Variants in KBTBD11 observed in about 807,000 individuals in gnomAD.
KBTBD11 encodes the protein kelch repeat and BTB domain containing 11.
For synonymous variants in KBTBD11, 747 were observed against 499.0 expected (o/e 1.50, Z -6.63); for missense variants, 1,390 against 1,001.8 (o/e 1.39, Z -5.23).
chr8:1,987,301 T>C (rs1816736878), intron 1 of KBTBD11, among the ~76,000 whole-genome samples: 1 of 152,190 alleles, frequency 6.6e-6, no homozygotes, highest in South Asian at 2.1e-4. Context: ...GTTTATGAAA[T>C]TGACTCACGT....
rs1053269664 is a variant in KBTBD11 at position 2,005,580 on chromosome 8, A to G, written c.*2516A>G. Reference sequence around the variant, plus strand: ...CCTGGCAACGGCTGATGCCCCAGGTAGGACCTTTTCCAATTCAAAGTGGTG... The same window carrying G: ...CCTGGCAACGGCTGATGCCCCAGGTGGGACCTTTTCCAATTCAAAGTGGTG... On this transcript the variant is annotated 3_prime_UTR_variant, in exon 2 of 2. Transcript: ENST00000320248. The G allele has an allele frequency of 1.2e-5, 2 of 167,112 alleles. No individual in the cohort carries two copies. Among genetic ancestry groups the G allele is most frequent in the Non-Finnish European group, 2.9e-5 (2 of 68,150 alleles). 10.4% of individuals were successfully genotyped at this position (167,112 alleles called of 1,614,324 possible).
intron 1 of KBTBD11, among the ~76,000 whole-genome samples, chr8:1,990,410 C>T (rs1435437496): frequency 2.2e-5 from 3 of 134,720 alleles, no homozygotes; most frequent in East Asian, 2.4e-4. Flanking sequence ...GTAGGTGCTG[C>T]CGGGCCTTGG....
intron 1 of KBTBD11, among the ~76,000 whole-genome samples, chr8:1,994,951 C>T (rs977453024): frequency 6.6e-6 from 1 of 150,840 alleles, no homozygotes; most frequent in East Asian, 2.0e-4. Context: ...CCCAGCTACT[C>T]GGGAGGCTGA....
intron 1 of KBTBD11, among the ~76,000 whole-genome samples, chr8:1,999,684 A>G (rs1817269977): frequency 2.0e-5 from 3 of 152,124 alleles, no homozygotes; most frequent in African/African-American, 7.2e-5. Flanking sequence ...TTGTAATTCT[A>G]AGAGTTTAAA....
In KBTBD11 at chr8:2,002,500, C is replaced by T; in HGVS notation, c.1308C>T (p.Ala436=). ...ACGACCCGCGCGCCGACCGCTGGGC[C>T]CCCGTGGCGCCGCTGCCCCGGGGCG... ...ERYDPRADRW[A]PVAPLPRGAF... is the part of the protein sequence containing the mutation. The change falls in exon 2 of 2, where the codon GCC becomes GCT. Residue 436 remains alanine (A), a synonymous_variant. Transcript: ENST00000320248. The surrounding 1 kb of genome is among the most constrained non-coding windows in gnomAD (Gnocchi z 4.1). 1.3e-6 allele frequency: 2 copies of T among 1,511,022 alleles called. No homozygotes were observed. Among genetic ancestry groups the T allele is most frequent in the Non-Finnish European group, 8.8e-7 (1 of 1,139,430 alleles). The allele number at this position is 1,511,022 out of a possible 1,614,324, so 93.6% of individuals were successfully genotyped here.
At chr8:1,981,361 C>G (rs1816534445) in intron 1 of KBTBD11, among the ~76,000 whole-genome samples, 1 of 152,208 alleles carries the variant, frequency 6.6e-6, no homozygotes, top group African/African-American at 2.4e-5. Context: ...GTAAAATTCA[C>G]TGGTAAATGT....
At chr8:1,989,557 G>A (rs73671087) in intron 1 of KBTBD11, among the ~76,000 whole-genome samples, 3,253 of 152,258 alleles carry the variant, frequency 0.021, 106 homozygotes, top group African/African-American at 0.073. Context: ...GCTCCATACC[G>A]CATGGATCTC....
chr8:1,985,691 G>T (rs1433359042), intron 1 of KBTBD11, among the ~76,000 whole-genome samples: 1 of 152,238 alleles, frequency 6.6e-6, no homozygotes, highest in Middle Eastern at 3.2e-3. Context: ...AGGTGCATTG[G>T]CTCATGCCTG....
At position 2,001,299 on chromosome 8, in the gene KBTBD11, GTCTCGGCGCGTCCCTGTGCT is replaced by G; in HGVS notation, c.110_129del (p.Leu37GlnfsTer52). Reference sequence around the variant, plus strand: ...GCGTCCCCGGCGCAGACACCCTGCAGTCTCGGCGCGTCCCTGTGCTTCAGCTCCGGGGAAGAGTCCCCGCC... The same window carrying G: ...GCGTCCCCGGCGCAGACACCCTGCAGTCAGCTCCGGGGAAGAGTCCCCGCC... On this transcript the variant is annotated frameshift_variant, in exon 2 of 2. Coordinates refer to ENST00000320248, the MANE Select transcript of KBTBD11 (RefSeq NM_014867.3). LOFTEE classifies it low-confidence loss of function (END_TRUNC). The G allele has an allele frequency of 6.6e-7, 1 of 1,525,252 alleles. No homozygotes were observed. The highest frequency in any genetic ancestry group is 1.2e-5 in the South Asian group (1 of 81,940). The allele number at this position is 1,525,252 out of a possible 1,614,324, so 94.5% of individuals were successfully genotyped here.
rs1817585181 is a variant in KBTBD11 at position 2,006,791 on chromosome 8, C to T, written c.*3727C>T. The T allele has an allele frequency of 6.0e-6, 1 of 167,118 alleles. No individual in the cohort carries two copies. Among genetic ancestry groups the T allele is most frequent in the Non-Finnish European group, 1.5e-5 (1 of 68,134 alleles). 10.4% of individuals were successfully genotyped at this position (167,118 alleles called of 1,614,324 possible). A position where few individuals can be genotyped will look rare whatever the true frequency, so the allele number is the denominator to read the frequency against. Reference sequence around the variant, plus strand: ...AAAGGTAAACTACACCTGTTGAAGGCCAAGTTCAGGGCAGCTGTTGTGATC... The same window carrying T: ...AAAGGTAAACTACACCTGTTGAAGGTCAAGTTCAGGGCAGCTGTTGTGATC... On this transcript the variant is annotated 3_prime_UTR_variant, in exon 2 of 2. Coordinates refer to ENST00000320248, the MANE Select transcript of KBTBD11 (RefSeq NM_014867.3).
Position 2,001,683 on chromosome 8 carries a change from A to G in KBTBD11, c.491A>G (p.Tyr164Cys), listed in dbSNP as rs1817366589. 8 of 1,446,322 alleles carry G rather than the reference A, an allele frequency of 5.5e-6. No homozygotes were observed. The highest frequency in any genetic ancestry group is 7.2e-6 in the Non-Finnish European group (8 of 1,104,652). The allele number at this position is 1,446,322 out of a possible 1,614,324, so 89.6% of individuals were successfully genotyped here. The change falls in exon 2 of 2, where the codon TAC becomes TGC. Residue 164 changes from tyrosine to cysteine, a missense_variant. Coordinates refer to ENST00000320248, the MANE Select transcript of KBTBD11 (RefSeq NM_014867.3). ...GCGGTGCTGGCGGCGCGCAGCGACTACTTCCGCGCGCGCGCGTCGCGGGAC... is the reference window on the plus strand; with the variant it reads ...GCGGTGCTGGCGGCGCGCAGCGACTGCTTCCGCGCGCGCGCGTCGCGGGAC... ...HKAVLAARSD[Y>C]FRARASRDVL...
rs750649807 is a variant in KBTBD11, at chr8:2,002,575, G to C, written c.1383G>C (p.Val461=). The part of the protein sequence containing the change: ...EATTCHGEIY[V]SGGSLFYRLL... Reference sequence around the variant, plus strand: ...CCACCTGCCACGGCGAGATCTACGTGTCCGGGGGCTCCCTCTTCTATCGCC... The same window carrying C: ...CCACCTGCCACGGCGAGATCTACGTCTCCGGGGGCTCCCTCTTCTATCGCC... The change falls in exon 2 of 2, where the codon GTG becomes GTC. Residue 461 remains valine, a synonymous_variant. Transcript: ENST00000320248. The surrounding 1 kb of genome is among the most constrained non-coding windows in gnomAD (Gnocchi z 4.1). 1.3e-6 allele frequency: 2 copies of C among 1,581,780 alleles called. No homozygotes were observed. Among genetic ancestry groups the C allele is most frequent in the African/African-American group, 1.4e-5 (1 of 73,320 alleles).
At chr8:1,994,666 G>C (rs1817064661) in intron 1 of KBTBD11, among the ~76,000 whole-genome samples, 1 of 152,248 alleles carries the variant, frequency 6.6e-6, no homozygotes. Flanking sequence ...AACAGTGCCT[G>C]GCAAAATAGA....
rs1233295407 is a variant in KBTBD11, at chr8:2,004,620, T to C, written c.*1556T>C. 1 of 167,116 alleles carries C rather than the reference T, an allele frequency of 6.0e-6. No homozygotes were observed. Among genetic ancestry groups the C allele is most frequent in the East Asian group, 1.9e-4 (1 of 5,202 alleles). The allele number at this position is 167,116 out of a possible 1,614,324, so 10.4% of individuals were successfully genotyped here. A position where few individuals can be genotyped will look rare whatever the true frequency, so the allele number is the denominator to read the frequency against. On this transcript the variant is annotated 3_prime_UTR_variant, in exon 2 of 2. Transcript: ENST00000320248. ...TTAGAAGTGATCAGCTTGAACCTTATGCATGACTCGGGGGCTGGAATTTAT... is the reference window on the plus strand; with the variant it reads ...TTAGAAGTGATCAGCTTGAACCTTACGCATGACTCGGGGGCTGGAATTTAT...
intron 1 of KBTBD11, among the ~76,000 whole-genome samples, chr8:1,980,122 C>G (rs1053745356): frequency 1.3e-5 from 2 of 151,662 alleles, no homozygotes; most frequent in Non-Finnish European, 2.9e-5. Context: ...CTAAGTATGA[C>G]ATCTTATTAG....
intron 1 of KBTBD11, among the ~76,000 whole-genome samples, chr8:1,993,661 T>C (rs1219232887): frequency 6.6e-6 from 1 of 151,794 alleles, no homozygotes; most frequent in Non-Finnish European, 1.5e-5. Flanking sequence ...GTGAATTTTA[T>C]GTTTTTATGG....
chr8:1,989,660 C>G (rs6982480), intron 1 of KBTBD11, among the ~76,000 whole-genome samples: 1 of 152,228 alleles, frequency 6.6e-6, no homozygotes, highest in Non-Finnish European at 1.5e-5. Context: ...GGTGTCCCCT[C>G]TCTGCACGAC....
chr8:2,001,326 C>T lies in KBTBD11; in HGVS notation c.134C>T (p.Ser45Phe), dbSNP rs1234052537. ...CSLGASLCFS[S>F]GEESPPQSLA... ...CTCGGCGCGTCCCTGTGCTTCAGCTCCGGGGAAGAGTCCCCGCCGCAGTCC... is the reference window on the plus strand; with the variant it reads ...CTCGGCGCGTCCCTGTGCTTCAGCTTCGGGGAAGAGTCCCCGCCGCAGTCC... The change falls in exon 2 of 2, where the codon TCC becomes TTC. Residue 45 changes from serine to phenylalanine, a missense_variant. By Grantham distance (155) the Ser-to-Phe change is radical. Transcript: ENST00000320248. 6.6e-7 allele frequency: 1 copy of T among 1,516,580 alleles called. No individual in the cohort carries two copies. The highest frequency in any genetic ancestry group is 1.2e-5 in the South Asian group (1 of 81,404). 93.9% of individuals were successfully genotyped at this position (1,516,580 alleles called of 1,614,324 possible).
At chr8:1,993,491 A>G (rs897176546) in intron 1 of KBTBD11, among the ~76,000 whole-genome samples, 3 of 123,834 alleles carry the variant, frequency 2.4e-5, no homozygotes, top group Admixed American at 8.4e-5. Flanking sequence ...CTATCCGTCC[A>G]TCCGTCCATC....
Sources: gnomAD v4.1 joint callset for allele counts (sites outside exome capture counted in the v4.1 genomes callset) on GRCh38, gnomAD v4.1.1 for gene constraint, Gnocchi (gnomAD v3.1) non-coding constraint, MANE v1.5 for transcripts, NCBI Gene and HGNC (gene_info 2026-07-23, HGNC 2026-07-21) for gene names.